Variants in ESRRG observed in about 807,000 individuals in gnomAD.
ESRRG encodes estrogen-related receptor gamma.
A neutral mutation model predicts 44.0 loss-of-function variants in ESRRG; 13 were observed. The ratio of observed to expected loss-of-function variants is 0.30; its 90% confidence interval spans 0.19 to 0.47. The LOEUF is 0.47. Among genes scored for constraint, ESRRG ranks in the 20% least tolerant of loss-of-function variants. The pLI is 1.00. For synonymous variants in ESRRG, 215 were observed against 214.6 expected (o/e 1.00, Z -0.02); for missense variants, 395 against 580.6 (o/e 0.68, Z 3.29).
At chr1:216,740,568 C>T (rs1399852402) in intron 2 of ESRRG, among the ~76,000 whole-genome samples, 1 of 151,442 alleles carries the variant, frequency 6.6e-6, no homozygotes, top group Non-Finnish European at 1.5e-5. Flanking sequence ...AAGGGGAGGC[C>T]TTTTTTGTTC....
At chr1:216,951,742 T>C (rs2066993454) in intron 1 of ESRRG, among the ~76,000 whole-genome samples, 1 of 151,580 alleles carries the variant, frequency 6.6e-6, no homozygotes, top group Admixed American at 6.6e-5. Flanking sequence ...TGTGTGTGTG[T>C]GTGTGTGTGT....
At chr1:217,043,805 G>A (rs1446206062) in intron 1 of ESRRG, among the ~76,000 whole-genome samples, 1 of 152,078 alleles carries the variant, frequency 6.6e-6, no homozygotes, top group Admixed American at 6.5e-5. Flanking sequence ...AGAGCTAAAT[G>A]TCAGTTATCT....
chr1:217,131,956 C>A lies in ESRRG; in HGVS notation c.-230+5711G>T, dbSNP rs926404386. Among the ~76,000 whole-genome samples the A allele has an allele frequency of 2.0e-5, 3 of 152,138 alleles. No individual in the cohort carries two copies. The South Asian group carries it at 6.2e-4, about 32-fold the overall frequency. Reference sequence around the variant, plus strand: ...TCCTGGAAGGAGACTATACTCAGTTCCTCTAGACACTGACCTCTTAGAAAA... The same window carrying A: ...TCCTGGAAGGAGACTATACTCAGTTACTCTAGACACTGACCTCTTAGAAAA... On this transcript the variant is annotated intron_variant, in intron 1 of 8. Coordinates refer to the ESRRG transcript ENST00000366940.
chr1:216,533,854 T>C (rs1303960550), intron 5 of ESRRG, among the ~76,000 whole-genome samples: 1 of 152,134 alleles, frequency 6.6e-6, no homozygotes, highest in Non-Finnish European at 1.5e-5. Flanking sequence ...AATTGTTCCA[T>C]ACTGCTTCAG....
intron 3 of ESRRG, among the ~76,000 whole-genome samples, chr1:216,625,444 A>G (rs887125579): frequency 1.3e-5 from 2 of 151,356 alleles, no homozygotes; most frequent in African/African-American, 2.4e-5. Context: ...AAAAAAATCT[A>G]TATTAACACT....
intron 1 of ESRRG, among the ~76,000 whole-genome samples, chr1:216,983,934 T>G (rs541596541): frequency 6.6e-6 from 1 of 151,876 alleles, no homozygotes; most frequent in African/African-American, 2.4e-5. Context: ...GAAATATCCT[T>G]ATAACCTGCA....
Position 216,914,180 on chromosome 1 carries a change from C to T in ESRRG, c.-14+25402G>A, listed in dbSNP as rs142927517. ...GCTCTGCTATCAGCTGAAGATAAAG[C>T]GAATCCTTTGGCAGGAAAAGCTTGA... On this transcript the variant is annotated intron_variant, in intron 2 of 7. Transcript: ENST00000359162. Among the ~76,000 whole-genome samples the T allele has an allele frequency of 1.4e-4, 21 of 151,958 alleles. No homozygotes were observed. The East Asian group carries it at 2.9e-3, about 21-fold the overall frequency.
chr1:217,040,602 T>C (rs542847009), intron 1 of ESRRG, among the ~76,000 whole-genome samples: 239 of 152,200 alleles, frequency 1.6e-3, no homozygotes, highest in African/African-American at 5.5e-3. Flanking sequence ...TTCAAGATTT[T>C]TCTATTAAAA....
intron 3 of ESRRG, among the ~76,000 whole-genome samples, chr1:216,627,438 GT>G (rs2063373123): frequency 6.6e-6 from 1 of 152,014 alleles, no homozygotes; most frequent in Non-Finnish European, 1.5e-5. Flanking sequence ...TCTCAGTCCT[GT>G]TTAGTTCTAT....
At chr1:217,007,243 A>G (rs2077873210) in intron 1 of ESRRG, among the ~76,000 whole-genome samples, 1 of 152,102 alleles carries the variant, frequency 6.6e-6, no homozygotes, top group Non-Finnish European at 1.5e-5. Context: ...TGACTTCTCA[A>G]TTTTCCTGAA....
At chr1:217,027,835 C>A (rs1042398879) in intron 1 of ESRRG, among the ~76,000 whole-genome samples, 1 of 152,064 alleles carries the variant, frequency 6.6e-6, no homozygotes, top group African/African-American at 2.4e-5. Flanking sequence ...CAACACTTGA[C>A]CTTTAGTGGT....
intron 3 of ESRRG, among the ~76,000 whole-genome samples, chr1:216,584,528 T>A (rs989622439): frequency 1.3e-5 from 2 of 152,110 alleles, no homozygotes; most frequent in African/African-American, 4.8e-5. Flanking sequence ...AGTGCTGGGA[T>A]TACAGGCGTG....
chr1:217,023,547 G>T (rs564293261), intron 1 of ESRRG, among the ~76,000 whole-genome samples: 5 of 152,238 alleles, frequency 3.3e-5, no homozygotes, highest in African/African-American at 7.2e-5. Flanking sequence ...GGAATTACTT[G>T]GAAGGAGGGC....
At chr1:216,838,060 A>G (rs1284655255) in intron 2 of ESRRG, among the ~76,000 whole-genome samples, 1 of 152,174 alleles carries the variant, frequency 6.6e-6, no homozygotes, top group African/African-American at 2.4e-5. Context: ...ATAACTGCAC[A>G]TGAGAAGGCA....
intron 2 of ESRRG, among the ~76,000 whole-genome samples, chr1:216,782,519 T>C (rs1428752955): frequency 6.6e-6 from 1 of 152,124 alleles, no homozygotes; most frequent in African/African-American, 2.4e-5. Flanking sequence ...TTGATCTTTG[T>C]GAAACAATAT....
chr1:216,646,395 C>T lies in ESRRG; in HGVS notation c.589+4578G>A, dbSNP rs191982999. 6.5e-3 allele frequency among the ~76,000 whole-genome samples: 993 copies of T among 152,232 alleles called. 9 individuals carry two copies. Among genetic ancestry groups the T allele is most frequent in the African/African-American group, 0.023 (949 of 41,550 alleles). On this transcript the variant is annotated intron_variant, in intron 3 of 6. Transcript: ENST00000408911. ...AAGCATGTACTAGACCCTGTATCTA[C>T]ATTAAATCTCTTGGTCTTCACAAAA...
At chr1:216,885,643 A>G (rs1381987710) in intron 2 of ESRRG, among the ~76,000 whole-genome samples, 2 of 151,786 alleles carry the variant, frequency 1.3e-5, no homozygotes, top group African/African-American at 4.8e-5. Context: ...CTTATTCATC[A>G]ATTTTAATTT....
intron 5 of ESRRG, among the ~76,000 whole-genome samples, chr1:216,546,853 C>T (rs943299793): frequency 2.0e-5 from 3 of 151,590 alleles, no homozygotes; most frequent in African/African-American, 7.3e-5. Flanking sequence ...ATGTGCAGAA[C>T]GTGCAGATTT....
intron 1 of ESRRG, among the ~76,000 whole-genome samples, chr1:216,966,158 C>A (rs191132705): frequency 6.6e-6 from 1 of 152,266 alleles, no homozygotes; most frequent in African/African-American, 2.4e-5. Flanking sequence ...TCCATTTGGA[C>A]ACGTGTCCTA....
Sources: gnomAD v4.1 joint callset for allele counts (sites outside exome capture counted in the v4.1 genomes callset) on GRCh38, gnomAD v4.1.1 for gene constraint, MANE v1.5 for transcripts, NCBI Gene and HGNC (gene_info 2026-07-23, HGNC 2026-07-21) for gene names.